The following PRR14L variants were observed in gnomAD, a reference collection of about 807,000 sequenced individuals.
PRR14L encodes proline rich 14 like.
Under a neutral mutation model 155.0 loss-of-function variants are expected in PRR14L, and 80 were observed. That is an observed-to-expected ratio of 0.52 (90% CI 0.43 to 0.62). The LOEUF (loss-of-function observed/expected upper bound fraction) is 0.62, where lower values mean the gene tolerates loss of function less well. Ranked by LOEUF, PRR14L falls within the 20% of genes least tolerant of loss-of-function variation. The pLI is 0.00. For missense variants in PRR14L, 2,469 were observed against 2,548.0 expected, an observed-to-expected ratio of 0.97 and a Z score of 0.67; for synonymous variants, 883 against 916.0, an observed-to-expected ratio of 0.96 and a Z score of 0.65.
intron 5 of PRR14L, 195 bp downstream of exon 5, chr22:31,704,460 A>G: frequency 2.3e-6 from 1 of 438,960 alleles, no homozygotes; most frequent in Non-Finnish European, 4.1e-6. Flanking sequence ...TTGTATTATT[A>G]CACATTCCTA....
At chr22:31,730,657 G>T (rs981222444) in intron 2 of PRR14L, among the ~76,000 whole-genome samples, 1 of 152,130 alleles carries the variant, frequency 6.6e-6, no homozygotes, top group East Asian at 1.9e-4. Flanking sequence ...TAAATATCTT[G>T]TAGGGAAATA....
chr22:31,692,558 T>C (rs929003106), intron 7 of PRR14L, among the ~76,000 whole-genome samples: 1 of 152,248 alleles, frequency 6.6e-6, no homozygotes, highest in African/African-American at 2.4e-5. Flanking sequence ...TCTTTATAGC[T>C]TGTGGATACC....
chr22:31,703,073 C>T (rs1377378457), intron 6 of PRR14L, among the ~76,000 whole-genome samples: 3 of 152,090 alleles, frequency 2.0e-5, no homozygotes, highest in African/African-American at 7.2e-5. Flanking sequence ...GCCTCAGCCT[C>T]CCAAAGTGCT....
intron 2 of PRR14L, among the ~76,000 whole-genome samples, chr22:31,729,444 C>T (rs926477168): frequency 6.6e-6 from 1 of 152,124 alleles, no homozygotes; most frequent in African/African-American, 2.4e-5. Context: ...GTCTCGATCT[C>T]CTGACCTGAT....
intron 3 of PRR14L, among the ~76,000 whole-genome samples, chr22:31,719,043 T>C (rs552731057): frequency 3.0e-4 from 46 of 151,524 alleles, no homozygotes; most frequent in Non-Finnish European, 2.9e-5. Context: ...CACTACACTC[T>C]AGCCTGGGTG....
In PRR14L at chr22:31,716,344, T is replaced by C. The variant is rs1309167315; in HGVS notation, c.1495A>G (p.Asn499Asp). 2 of 1,551,090 alleles carry C rather than the reference T, an allele frequency of 1.3e-6. No individual in the cohort carries two copies. The highest frequency in any genetic ancestry group is 2.7e-5 in the African/African-American group (2 of 72,996). ...GAGTGTCCACCAGGATGGCTCATAT[T>C]AGTAAAAGTTTCTTTATGGTCCTCA... ...NPEDHKETFT[N>D]MSHPGGHSEE... The change falls in exon 4 of 9, where the codon AAT becomes GAT. Residue 499 changes from asparagine (N) to aspartate (D), a missense_variant. By Grantham distance (23) the Asn-to-Asp change is conservative. Transcript: ENST00000327423.
At chr22:31,688,367 G>T (rs1022746711) in intron 7 of PRR14L, 140 bp from the exon 8 acceptor site, 89 of 1,148,140 alleles carry the variant, frequency 7.8e-5, no homozygotes, top group Non-Finnish European at 9.5e-5. Flanking sequence ...CCATCCTCCA[G>T]CCTCAGCCTC....
chr22:31,738,337 A>C, intron 2 of PRR14L, 50 bp downstream of exon 2: 1 of 1,404,720 alleles, frequency 7.1e-7, no homozygotes, highest in Non-Finnish European at 9.7e-7. Flanking sequence ...TTATCCAGAG[A>C]AAGCTGTCAT....
chr22:31,700,266 T>A (rs537769328), intron 7 of PRR14L, among the ~76,000 whole-genome samples: 1 of 152,250 alleles, frequency 6.6e-6, no homozygotes, highest in African/African-American at 2.4e-5. Context: ...GTAAACAAGG[T>A]TCTTCAGACA....
At chr22:31,733,590 A>G (rs1051963610) in intron 2 of PRR14L, among the ~76,000 whole-genome samples, 1 of 152,038 alleles carries the variant, frequency 6.6e-6, no homozygotes, top group Non-Finnish European at 1.5e-5. Context: ...CAGGCCTAGA[A>G]GTCTATCTTT....
intron 3 of PRR14L, among the ~76,000 whole-genome samples, chr22:31,723,486 T>C (rs1048262999): frequency 6.6e-6 from 1 of 152,194 alleles, no homozygotes; most frequent in African/African-American, 2.4e-5. Flanking sequence ...GTAAATTCTG[T>C]GGTAAGATGT....
intron 1 of PRR14L, among the ~76,000 whole-genome samples, chr22:31,745,842 TTA>T (rs1491275847): frequency 8.0e-6 from 1 of 125,710 alleles, no homozygotes; most frequent in African/African-American, 3.2e-5. Context: ...GAGACTCAGT[TTA>T]AAAAAAAAAA....
chr22:31,727,231 A>ATT, intron 2 of PRR14L, among the ~76,000 whole-genome samples: 2 of 146,008 alleles, frequency 1.4e-5, no homozygotes, highest in Admixed American at 1.4e-4. Context: ...ATTAGCCACA[A>ATT]TTCTTTTTTT....
chr22:31,741,177 C>CGGGAGGCGGAGCTTGCA (rs2074810942), intron 1 of PRR14L, among the ~76,000 whole-genome samples: 1 of 139,948 alleles, frequency 7.1e-6, no homozygotes, highest in South Asian at 2.3e-4. Flanking sequence ...GGTGTGAACC[C>CGGGAGGCGGAGCTTGCA]GGGAGGCGGA....
At chr22:31,729,474 C>T (rs2074736096) in intron 2 of PRR14L, among the ~76,000 whole-genome samples, 1 of 152,196 alleles carries the variant, frequency 6.6e-6, no homozygotes, top group Non-Finnish European at 1.5e-5. Context: ...ACCTTGGCCT[C>T]CCAAAGTGCT....
intron 2 of PRR14L, among the ~76,000 whole-genome samples, chr22:31,730,254 A>G (rs1439553045): frequency 6.6e-6 from 1 of 152,140 alleles, no homozygotes; most frequent in Non-Finnish European, 1.5e-5. Context: ...CCTGGCCAGC[A>G]TGGTGAAACC....
At chr22:31,699,419 C>T (rs1187499368) in intron 7 of PRR14L, among the ~76,000 whole-genome samples, 1 of 152,168 alleles carries the variant, frequency 6.6e-6, no homozygotes, top group Non-Finnish European at 1.5e-5. Context: ...ATCTGAAATG[C>T]TCCAACATCT....
At chr22:31,736,235 A>C (rs2074780727) in intron 2 of PRR14L, among the ~76,000 whole-genome samples, 1 of 151,226 alleles carries the variant, frequency 6.6e-6, no homozygotes, top group Admixed American at 6.6e-5. Flanking sequence ...AAAAAAAAAA[A>C]ATTAGCCGGG....
chr22:31,744,658 T>C (rs770176645), intron 1 of PRR14L, among the ~76,000 whole-genome samples: 5 of 152,180 alleles, frequency 3.3e-5, no homozygotes, highest in Non-Finnish European at 5.9e-5. Context: ...GCCATAACCA[T>C]ATCTGACTTC....
Sources: gnomAD v4.1 joint callset for allele counts (sites outside exome capture counted in the v4.1 genomes callset) on GRCh38, gnomAD v4.1.1 for gene constraint, MANE v1.5 for transcripts, NCBI Gene and HGNC (gene_info 2026-07-23, HGNC 2026-07-21) for gene names.